SLC35D2: variants seen among roughly 807,000 people sequenced by gnomAD.
SLC35D2 encodes solute carrier family 35 member D2.
In SLC35D2, 43 loss-of-function variants were observed where a neutral mutation model predicts 41.8. That is an observed-to-expected ratio of 1.03 (90% confidence interval 0.81 to 1.33). The LOEUF is 1.33. SLC35D2 is among the 40% of genes most tolerant of loss of function. The pLI is 0.00. For missense variants in SLC35D2, 380 were observed against 408.4 expected (o/e 0.93, Z 0.60); for synonymous variants, 150 against 163.9 (o/e 0.92, Z 0.65).
At chr9:96,323,543 C>G (rs1394563198) in intron 10 of SLC35D2, among the ~76,000 whole-genome samples, 1 of 152,134 alleles carries the variant, frequency 6.6e-6, no homozygotes, top group Non-Finnish European at 1.5e-5. Flanking sequence ...AGACCCACCC[C>G]CTCTGAGCCA....
At chr9:96,335,431 C>A (rs896078533) in intron 9 of SLC35D2, among the ~76,000 whole-genome samples, 4 of 152,106 alleles carry the variant, frequency 2.6e-5, no homozygotes, top group Admixed American at 1.3e-4. Flanking sequence ...GCGATCTTGG[C>A]TCACTGCAAC....
intron 9 of SLC35D2, among the ~76,000 whole-genome samples, chr9:96,329,088 CAAAA>C (rs11325875): frequency 2.1e-5 from 2 of 95,174 alleles, no homozygotes. Flanking sequence ...GACTCCATCT[CAAAA>C]AAAAAAAAAA....
chr9:96,314,553 C>G (rs1828005296), exon 12 of SLC35D2: 1 of 151,910 alleles, frequency 6.6e-6, no homozygotes, highest in South Asian at 2.1e-4. Flanking sequence ...AATACATGGA[C>G]ACAGGGAGGG....
intron 1 of SLC35D2, among the ~76,000 whole-genome samples, chr9:96,369,177 C>T (rs1335171722): frequency 2.0e-5 from 3 of 152,038 alleles, no homozygotes; most frequent in Non-Finnish European, 4.4e-5. Flanking sequence ...TGAATCGCTA[C>T]ATAGTGATTC....
At chr9:96,324,063 G>T in intron 10 of SLC35D2, 28 bp downstream of exon 10, 1 of 1,586,192 alleles carries the variant, frequency 6.3e-7, no homozygotes, top group Non-Finnish European at 8.7e-7. Context: ...TGACTCAGTT[G>T]TTCCCTTCCA....
chr9:96,352,618 G>A (rs895559867), intron 4 of SLC35D2, among the ~76,000 whole-genome samples: 1 of 152,008 alleles, frequency 6.6e-6, no homozygotes, highest in Non-Finnish European at 1.5e-5. Flanking sequence ...CACCGCACCT[G>A]GGCTTCACTT....
chr9:96,331,278 C>G (rs1011563365), intron 9 of SLC35D2, among the ~76,000 whole-genome samples: 1 of 152,208 alleles, frequency 6.6e-6, no homozygotes, highest in Non-Finnish European at 1.5e-5. Context: ...CACTCCAAGA[C>G]AAATGCGTGA....
At chr9:96,322,152 T>C in intron 10 of SLC35D2, 72 bp from the exon 11 acceptor site, 1 of 943,506 alleles carries the variant, frequency 1.1e-6, no homozygotes, top group East Asian at 2.4e-5. Flanking sequence ...TAGTAAAACC[T>C]GAAACTAGAC....
chr9:96,341,938 G>GA (rs139521338), intron 8 of SLC35D2, among the ~76,000 whole-genome samples: 39,380 of 136,826 alleles, frequency 0.29, 5,346 homozygotes, highest in East Asian at 0.52. Flanking sequence ...TATATTTTTG[G>GA]AAAAAAAAAA....
rs1444739355 is a variant in SLC35D2 at position 96,336,730 on chromosome 9, AAAG to A, written c.736_738del (p.Leu246del). 1 of 1,583,800 alleles carries A rather than the reference AAAG, an allele frequency of 6.3e-7. No homozygotes were observed. Among genetic ancestry groups the A allele is most frequent in the Non-Finnish European group, 8.6e-7 (1 of 1,157,928 alleles). The stretch of plus-strand genomic sequence containing the variant: ...ATGGTTTCTTACCCCAAAAAACAGG[AAAG>A]AAGAAACTGTAGGATAAACACAACA... On this transcript the variant is annotated inframe_deletion, in exon 9 of 12. Transcript: ENST00000253270.
In SLC35D2 at chr9:96,320,832, A is replaced by G. The variant is rs1828181244; in HGVS notation, c.*410T>C. ...TATTAGACTAAAGACATGTCTGTTT[A>G]AACTGAAACAACTGGCCCTTTGCTT... is the stretch of plus-strand genomic sequence containing the variant. On this transcript the variant is annotated 3_prime_UTR_variant, in exon 12 of 12. Coordinates refer to ENST00000253270, the MANE Select transcript of SLC35D2 (RefSeq NM_007001.3). 1 of 155,784 alleles carries G rather than the reference A, an allele frequency of 6.4e-6. No homozygotes were observed. Among genetic ancestry groups the G allele is most frequent in the Non-Finnish European group, 1.4e-5 (1 of 70,630 alleles). 9.7% of individuals were successfully genotyped at this position (155,784 alleles called of 1,614,324 possible).
chr9:96,364,680 G>A, intron 2 of SLC35D2, 130 bp from the exon 3 acceptor site: 1 of 689,994 alleles, frequency 1.4e-6, no homozygotes, highest in Non-Finnish European at 2.6e-6. Context: ...CTAGGTTCCA[G>A]AAAAAAATAA....
At chr9:96,346,500 T>C (rs562858464) in intron 6 of SLC35D2, among the ~76,000 whole-genome samples, 30 of 152,294 alleles carry the variant, frequency 2.0e-4, no homozygotes, top group African/African-American at 6.7e-4. Flanking sequence ...CTCTTCACAA[T>C]GGGAAATTGA....
chr9:96,343,040 G>A (rs1307727258), intron 8 of SLC35D2, among the ~76,000 whole-genome samples: 1 of 152,236 alleles, frequency 6.6e-6, no homozygotes, highest in Non-Finnish European at 1.5e-5. Flanking sequence ...AGGTCCCGCT[G>A]AGGAGGGTTT....
At chr9:96,380,386 T>G (rs1411435347) in intron 1 of SLC35D2, among the ~76,000 whole-genome samples, 1 of 152,238 alleles carries the variant, frequency 6.6e-6, no homozygotes, top group East Asian at 1.9e-4. Context: ...AAGACTTATC[T>G]TCAACCATCA....
At chr9:96,368,338 G>C (rs1830553203) in intron 1 of SLC35D2, 33 bp from the exon 2 acceptor site, 1 of 1,576,810 alleles carries the variant, frequency 6.3e-7, no homozygotes, top group East Asian at 2.3e-5. Context: ...AATCAGTTGA[G>C]CAAATATAAA....
At chr9:96,322,845 G>A (rs942105251) in intron 10 of SLC35D2, among the ~76,000 whole-genome samples, 46 of 149,822 alleles carry the variant, frequency 3.1e-4, no homozygotes, top group African/African-American at 1.1e-3. Context: ...AGCCTCCCAA[G>A]TAGCTGGGAC....
At chr9:96,342,964 G>A (rs148470510) in intron 8 of SLC35D2, among the ~76,000 whole-genome samples, 44 of 152,326 alleles carry the variant, frequency 2.9e-4, no homozygotes, top group African/African-American at 8.9e-4. Flanking sequence ...CCCAGCCCCA[G>A]GCCAGCAATG....
chr9:96,327,513 A>T (rs1034870625), intron 9 of SLC35D2, among the ~76,000 whole-genome samples: 1 of 152,206 alleles, frequency 6.6e-6, no homozygotes, highest in Admixed American at 6.5e-5. Flanking sequence ...GAGCCAAGGG[A>T]GGAGAATCCC....
Sources: allele counts gnomAD v4.1 joint callset (sites outside exome capture counted in the v4.1 genomes callset), GRCh38; gene constraint gnomAD v4.1.1; transcripts MANE v1.5; gene names NCBI Gene and HGNC (gene_info 2026-07-23, HGNC 2026-07-21).